Variants in TMPRSS13 observed in about 807,000 individuals in gnomAD.
The protein encoded by TMPRSS13 is transmembrane protease serine 13.
In TMPRSS13, 50 loss-of-function variants were observed where a neutral mutation model predicts 68.4. The observed-to-expected ratio is 0.73, with a 90% CI of 0.58 to 0.93. TMPRSS13 has a LOEUF of 0.93. Among genes scored for constraint, TMPRSS13 ranks in the 40% least tolerant of loss-of-function variants. The pLI is 0.00. For synonymous variants in TMPRSS13, 267 were observed against 285.8 expected (o/e 0.93, Z 0.66); for missense variants, 615 against 729.2 (o/e 0.84, Z 1.80).
intron 10 of TMPRSS13, among the ~76,000 whole-genome samples, chr11:117,904,553 G>T (rs981472488): frequency 6.6e-6 from 1 of 152,112 alleles, no homozygotes; most frequent in Non-Finnish European, 1.5e-5. Context: ...CAGGTATGGA[G>T]ACAAGAGGAG....
intron 1 of TMPRSS13, among the ~76,000 whole-genome samples, chr11:117,925,049 C>G (rs2057691358): frequency 6.6e-6 from 1 of 152,202 alleles, no homozygotes; most frequent in African/African-American, 2.4e-5. Flanking sequence ...GGCCTCAGCT[C>G]CCTCTTCAAT....
intron 1 of TMPRSS13, among the ~76,000 whole-genome samples, chr11:117,928,573 A>G (rs2057730057): frequency 6.6e-6 from 1 of 152,186 alleles, no homozygotes; most frequent in South Asian, 2.1e-4. Context: ...TTCCTGGAGG[A>G]AAAGAAAGTG....
chr11:117,909,689 T>C (rs1297233647), intron 8 of TMPRSS13, 117 bp downstream of exon 8: 3 of 1,275,972 alleles, frequency 2.4e-6, no homozygotes, highest in Non-Finnish European at 3.2e-6. Flanking sequence ...AACTGGCCCA[T>C]GGGGGCTGGA....
intron 10 of TMPRSS13, 30 bp downstream of exon 10, chr11:117,905,588 CACACATGCACATGAATACAT>C: frequency 1.4e-6 from 2 of 1,435,650 alleles, no homozygotes; most frequent in Non-Finnish European, 1.9e-6. Flanking sequence ...CATGTATACA[CACACATGCACATGAATACAT>C]ACACACAACC....
chr11:117,911,236 G>C (rs954708375), intron 6 of TMPRSS13, among the ~76,000 whole-genome samples: 1 of 152,170 alleles, frequency 6.6e-6, no homozygotes, highest in Non-Finnish European at 1.5e-5. Context: ...AACAATGCTA[G>C]CTGGCAGAGA....
Position 117,914,053 on chromosome 11 carries a change from G to A in TMPRSS13, c.680-147C>T. On this transcript the variant is annotated intron_variant, in intron 4 of 12. Transcript: ENST00000524993. The surrounding 1 kb of genome is among the most constrained non-coding windows in gnomAD (Gnocchi z 4.2). ...TGGGAAAAGTCCAGGAACATGGCCT[G>A]GGTCATGGGGGTTAACCAGTACTCA... 1 of 962,028 alleles carries A rather than the reference G, an allele frequency of 1.0e-6. No homozygotes were observed. Among genetic ancestry groups the A allele is most frequent in the Non-Finnish European group, 1.5e-6 (1 of 658,412 alleles). The allele number at this position is 962,028 out of a possible 1,614,324, so 59.6% of individuals were successfully genotyped here.
chr11:117,901,983 T>C lies in TMPRSS13; in HGVS notation c.*256A>G, dbSNP rs903129971. The C allele has an allele frequency of 3.5e-6, 2 of 575,732 alleles. No individual in the cohort carries two copies. Among genetic ancestry groups the C allele is most frequent in the African/African-American group, 3.8e-5 (2 of 53,286 alleles). The allele number at this position is 575,732 out of a possible 1,614,324, so 35.7% of individuals were successfully genotyped here. A position where few individuals can be genotyped will look rare whatever the true frequency, so the allele number is the denominator to read the frequency against. ...ACATCCACGGTACTCAACTCTTGTC[T>C]CCAGGTAATTTCCAGCCTGGGATTT... On this transcript the variant is annotated 3_prime_UTR_variant, in exon 13 of 13. Coordinates refer to ENST00000524993, the MANE Select transcript of TMPRSS13 (RefSeq NM_001077263.3).
chr11:117,917,233 G>T lies in TMPRSS13; in HGVS notation c.493C>A (p.Gln165Lys). 1 of 1,612,980 alleles carries T rather than the reference G, an allele frequency of 6.2e-7. No homozygotes were observed. Residue 165 changes from glutamine (Q) to lysine (K), a missense_variant, in exon 3 of 13, where the codon CAG (glutamine) becomes AAG (lysine). Coordinates refer to ENST00000524993, the MANE Select transcript of TMPRSS13 (RefSeq NM_001077263.3). ...PKFTWREGQKQLPLIGCVLLL... is the reference protein window; with the variant it reads ...PKFTWREGQKKLPLIGCVLLL... ...AGCACGCACCCGATGAGCGGTAGCTGCTTCTGGCCCTCCCGCCAGGTGAAC... is the reference window on the plus strand; with the variant it reads ...AGCACGCACCCGATGAGCGGTAGCTTCTTCTGGCCCTCCCGCCAGGTGAAC...
chr11:117,924,506 A>G (rs2057682932), intron 1 of TMPRSS13, among the ~76,000 whole-genome samples: 1 of 151,886 alleles, frequency 6.6e-6, no homozygotes, highest in Non-Finnish European at 1.5e-5. Flanking sequence ...ACAACCCAGC[A>G]CTCTGGGCTA....
chr11:117,908,449 A>T (rs1277308382), intron 9 of TMPRSS13, 163 bp downstream of exon 9: 1 of 740,730 alleles, frequency 1.4e-6, no homozygotes, highest in South Asian at 1.8e-5. Flanking sequence ...TTCCCTAATT[A>T]TAAAACAGAA....
chr11:117,906,895 A>G (rs1744113201), intron 9 of TMPRSS13, among the ~76,000 whole-genome samples: 1 of 152,156 alleles, frequency 6.6e-6, no homozygotes, highest in Non-Finnish European at 1.5e-5. Flanking sequence ...GAGTTTAAGA[A>G]AATCAGTCCT....
At chr11:117,905,538 G>T in intron 10 of TMPRSS13, 100 bp downstream of exon 10, 1 of 1,002,084 alleles carries the variant, frequency 1.0e-6, no homozygotes. Flanking sequence ...ATCGACATAG[G>T]CCTTCATCTG....
At chr11:117,927,759 A>G (rs1191464863) in intron 1 of TMPRSS13, among the ~76,000 whole-genome samples, 4 of 152,248 alleles carry the variant, frequency 2.6e-5, no homozygotes, top group African/African-American at 9.6e-5. Flanking sequence ...TCAGAGTTCC[A>G]TCTTAAATAG....
intron 2 of TMPRSS13, 150 bp downstream of exon 2, chr11:117,918,259 C>T: frequency 2.0e-6 from 2 of 992,314 alleles, no homozygotes; most frequent in East Asian, 2.6e-5. Flanking sequence ...TTTTTGCCTC[C>T]ACCCTCAGGT....
intron 2 of TMPRSS13, 148 bp downstream of exon 2, chr11:117,918,261 C>T: frequency 6.0e-6 from 6 of 1,007,480 alleles, no homozygotes; most frequent in Non-Finnish European, 8.5e-6. Context: ...TTTGCCTCCA[C>T]CCTCAGGTCC....
At position 117,909,813 on chromosome 11, in the gene TMPRSS13, A is replaced by G; in HGVS notation, c.1102T>C (p.Phe368Leu). The change falls in exon 8 of 13, where the codon TTC becomes CTC. Residue 368 changes from phenylalanine to leucine, a missense_variant. Phe to Leu is a conservative substitution (Grantham distance 22). Coordinates refer to ENST00000524993, the MANE Select transcript of TMPRSS13 (RefSeq NM_001077263.3). ...AQWVLTAAHC[F>L]FVTREKVLEG... ...TGCCTCTCAGGCACTTACACGAAGA[A>G]GCAGTGGGCGGCAGTGAGCACCCAC... 6.2e-7 allele frequency: 1 copy of G among 1,610,164 alleles called. No homozygotes were observed. Among genetic ancestry groups the G allele is most frequent in the Non-Finnish European group, 8.5e-7 (1 of 1,178,464 alleles).
In TMPRSS13 at chr11:117,917,173, G is replaced by A. The variant is rs1016667300; in HGVS notation, c.553C>T (p.Leu185Phe). The A allele has an allele frequency of 6.2e-7, 1 of 1,611,274 alleles. No individual in the cohort carries two copies. The highest frequency in any genetic ancestry group is 1.1e-5 in the South Asian group (1 of 91,044). ...LIALVVSLII[L>F]FQFWQGHTGI... ...CTGCACCCTCCATTCAACTCACAGAGGATGATGAGCGAAACCACCAGGGCA... is the reference window on the plus strand; with the variant it reads ...CTGCACCCTCCATTCAACTCACAGAAGATGATGAGCGAAACCACCAGGGCA... The change falls in exon 3 of 13, where the codon CTC becomes TTC. Residue 185 changes from leucine (L) to phenylalanine (F), a missense_variant. Coordinates refer to ENST00000524993, the MANE Select transcript of TMPRSS13 (RefSeq NM_001077263.3).
intron 1 of TMPRSS13, 120 bp from the exon 2 acceptor site, chr11:117,918,958 C>A (rs144233199): frequency 7.2e-7 from 1 of 1,386,074 alleles, no homozygotes; most frequent in East Asian, 2.4e-5. Flanking sequence ...GAGCAAAGCC[C>A]CCCGGACAAG....
chr11:117,911,331 T>C (rs1352886434), intron 6 of TMPRSS13, among the ~76,000 whole-genome samples: 3 of 152,188 alleles, frequency 2.0e-5, no homozygotes, highest in Non-Finnish European at 4.4e-5. Context: ...CTGTCTACCC[T>C]GTCCCCTAAC....
Sources: gnomAD v4.1 joint callset for allele counts (sites outside exome capture counted in the v4.1 genomes callset) on GRCh38, gnomAD v4.1.1 for gene constraint, Gnocchi (gnomAD v3.1) non-coding constraint, MANE v1.5 for transcripts, NCBI Gene and HGNC (gene_info 2026-07-23, HGNC 2026-07-21) for gene names.